Variants in TMEM120B observed in about 807,000 individuals in gnomAD.
TMEM120B encodes the protein transmembrane protein 120B.
TMEM120B carries 31 observed loss-of-function variants against 55.5 expected under a neutral mutation model. The ratio of observed to expected loss-of-function variants is 0.56; its 90% confidence interval spans 0.42 to 0.75. TMEM120B has a LOEUF of 0.75. Ranked by LOEUF, TMEM120B falls within the 30% of genes least tolerant of loss-of-function variation. The pLI, the probability that TMEM120B is intolerant of heterozygous loss-of-function variation, is 0.00. For missense variants in TMEM120B, 399 were observed against 425.5 expected (o/e 0.94, Z 0.55); for synonymous variants, 203 against 176.3 (o/e 1.15, Z -1.20).
chr12:121,774,569 G>A (rs533509123), intron 9 of TMEM120B, 89 bp from the exon 10 acceptor site: 12 of 1,299,260 alleles, frequency 9.2e-6, no homozygotes, highest in African/African-American at 1.5e-5. Context: ...ATCTTAGGGT[G>A]ACTGGTGTGG....
At chr12:121,739,404 C>T (rs1872853485) in intron 1 of TMEM120B, among the ~76,000 whole-genome samples, 1 of 152,056 alleles carries the variant, frequency 6.6e-6, no homozygotes, top group Non-Finnish European at 1.5e-5. Flanking sequence ...ATCAACGTTA[C>T]ATTTTCTAGA....
At chr12:121,771,762 A>G (rs1874061598) in intron 8 of TMEM120B, among the ~76,000 whole-genome samples, 2 of 152,098 alleles carry the variant, frequency 1.3e-5, no homozygotes, top group African/African-American at 2.4e-5. Context: ...CTCCTTCCCC[A>G]GGCTGGAACC....
intron 5 of TMEM120B, 46 bp downstream of exon 5, chr12:121,752,269 C>A: frequency 1.9e-6 from 3 of 1,543,202 alleles, no homozygotes; most frequent in Non-Finnish European, 2.7e-6. Context: ...ATGCAGACGT[C>A]AGGTGGGGGC....
In TMEM120B at chr12:121,775,393, GA is replaced by G; in HGVS notation, c.907-215del. 5.1e-6 allele frequency: 5 copies of G among 978,334 alleles called. No homozygotes were observed. The South Asian group carries it at 1.4e-4, about 28-fold the overall frequency. 60.6% of individuals were successfully genotyped at this position (978,334 alleles called of 1,614,324 possible). ...GGGGTGGAGCCTCTCCCAATCTGTG[GA>G]TCCCAAGGAGGTTCGCCCCATCGAG... On this transcript the variant is annotated intron_variant, in intron 11 of 11. Coordinates refer to ENST00000449592, the MANE Select transcript of TMEM120B (RefSeq NM_001080825.2). This position sits in a 1 kb window ranked among gnomAD's most constrained non-coding sequence, Gnocchi z 4.3.
rs758930424 is a variant in TMEM120B, at chr12:121,775,985, C to T, written c.*263C>T. On this transcript the variant is annotated 3_prime_UTR_variant, in exon 12 of 12. Coordinates refer to ENST00000449592, the MANE Select transcript of TMEM120B (RefSeq NM_001080825.2). This position sits in a 1 kb window ranked among gnomAD's most constrained non-coding sequence, Gnocchi z 4.3. Reference sequence around the variant, plus strand: ...TCCTGTGCTTGAAGGTGGCTGAGGCCGGGCCAGTCTTCCTGGGGATGGGGC... The same window carrying T: ...TCCTGTGCTTGAAGGTGGCTGAGGCTGGGCCAGTCTTCCTGGGGATGGGGC... 3.4e-5 allele frequency: 20 copies of T among 593,650 alleles called. No individual in the cohort carries two copies. Among genetic ancestry groups the T allele is most frequent in the East Asian group, 8.4e-5 (3 of 35,658 alleles). The allele number at this position is 593,650 out of a possible 1,614,324, so 36.8% of individuals were successfully genotyped here.
intron 5 of TMEM120B, among the ~76,000 whole-genome samples, chr12:121,760,633 C>G (rs1227701867): frequency 6.6e-6 from 1 of 152,200 alleles, no homozygotes; most frequent in Non-Finnish European, 1.5e-5. Context: ...ACTTGCTCAG[C>G]TCCTGAGATC....
At chr12:121,751,807 A>G (rs1873339532) in intron 4 of TMEM120B, among the ~76,000 whole-genome samples, 1 of 152,114 alleles carries the variant, frequency 6.6e-6, no homozygotes, top group South Asian at 2.1e-4. Flanking sequence ...CCATTTCCAG[A>G]CAGCCGCAAA....
intron 1 of TMEM120B, among the ~76,000 whole-genome samples, chr12:121,726,400 A>G (rs999380300): frequency 6.6e-6 from 1 of 151,588 alleles, no homozygotes; most frequent in Non-Finnish European, 1.5e-5. Context: ...TAACATGGTG[A>G]AACCGCGTCT....
chr12:121,750,338 C>T, intron 3 of TMEM120B, 42 bp from the exon 4 acceptor site: 3 of 1,584,462 alleles, frequency 1.9e-6, no homozygotes, highest in South Asian at 1.1e-5. Context: ...GATTCGCACC[C>T]ACCTGCTAAG....
chr12:121,779,297 T>C lies in TMEM120B; in HGVS notation c.*3575T>C, dbSNP rs1874352195. On this transcript the variant is annotated 3_prime_UTR_variant, in exon 12 of 12. Transcript: ENST00000449592. ...GGCTCCTGCACCCACATCACCACCA[T>C]GTCCCAGGGGCAGCCTGGAGGGGAG... is the stretch of plus-strand genomic sequence containing the variant. 1.6e-5 allele frequency: 10 copies of C among 616,616 alleles called. No individual in the cohort carries two copies. The highest frequency in any genetic ancestry group is 2.8e-5 in the Non-Finnish European group (10 of 355,994). 38.2% of individuals were successfully genotyped at this position (616,616 alleles called of 1,614,324 possible).
intron 2 of TMEM120B, among the ~76,000 whole-genome samples, chr12:121,744,722 A>G (rs576390593): frequency 2.6e-5 from 4 of 152,244 alleles, no homozygotes; most frequent in African/African-American, 7.2e-5. Flanking sequence ...GCTCCAAGTG[A>G]CTTGTCCCAG....
At chr12:121,770,249 T>C (rs996808553) in intron 6 of TMEM120B, among the ~76,000 whole-genome samples, 1 of 152,132 alleles carries the variant, frequency 6.6e-6, no homozygotes, top group African/African-American at 2.4e-5. Flanking sequence ...TCTCCCCGTG[T>C]GTCCTCATGT....
rs759791047 is a variant in TMEM120B, at chr12:121,748,406, T to G, written c.269T>G (p.Phe90Cys). ...AANIKERQDV[F>C]FDMEAYLPKK... ...AACATCAAGGAGCGGCAGGACGTCT[T>G]CTTCGACATGGAGGCCTACCTGCCC... Residue 90 changes from phenylalanine to cysteine, a missense_variant, in exon 3 of 12, where the codon TTC becomes TGC. This residue lies in a region of TMEM120B where 133 missense variants were observed against 104.1 expected (regional missense o/e 1.28). Transcript: ENST00000449592. 10 of 1,610,728 alleles carry G rather than the reference T, an allele frequency of 6.2e-6. No homozygotes were observed. Among genetic ancestry groups the G allele is most frequent in the Non-Finnish European group, 7.6e-6 (9 of 1,178,616 alleles).
intron 1 of TMEM120B, among the ~76,000 whole-genome samples, chr12:121,730,237 AAC>A (rs1034322929): frequency 5.4e-5 from 8 of 149,532 alleles, no homozygotes; most frequent in African/African-American, 2.0e-4. Flanking sequence ...CCAGCCTGGC[AAC>A]AGAGTGAGAC....
rs1459201271 is a variant in TMEM120B at position 121,731,446 on chromosome 12, G to T, written c.70-12183G>T. On this transcript the variant is annotated intron_variant, in intron 1 of 11. Transcript: ENST00000449592. Reference sequence around the variant, plus strand: ...TTTGTAGTATTTTTAGCAGAGAAGGGGTTTTGCCATACTGGCCAGGCTGGT... The same window carrying T: ...TTTGTAGTATTTTTAGCAGAGAAGGTGTTTTGCCATACTGGCCAGGCTGGT... Among the ~76,000 whole-genome samples the T allele has an allele frequency of 2.6e-5, 4 of 152,116 alleles. No homozygotes were observed. The East Asian group carries it at 5.8e-4, about 22-fold the overall frequency.
At position 121,775,022 on chromosome 12, in the gene TMEM120B, G is replaced by T; in HGVS notation, c.838-40G>T. The T allele has an allele frequency of 6.2e-7, 1 of 1,611,582 alleles. No homozygotes were observed. The highest frequency in any genetic ancestry group is 2.2e-5 in the East Asian group (1 of 44,820). On this transcript the variant is annotated intron_variant, in intron 10 of 11. Transcript: ENST00000449592. The surrounding 1 kb of genome is among the most constrained non-coding windows in gnomAD (Gnocchi z 4.3). ...CCTGGCTTTCTACGTGGCCGGCCAG[G>T]GGAGTCTGGTGGGTGAGCAGCGCCT... is the stretch of plus-strand genomic sequence containing the variant.
At chr12:121,747,033 T>TC (rs1182059734) in intron 2 of TMEM120B, among the ~76,000 whole-genome samples, 2 of 152,152 alleles carry the variant, frequency 1.3e-5, no homozygotes. Flanking sequence ...GCTCATACTA[T>TC]CAAGTATTAT....
At chr12:121,733,610 G>A (rs963131893) in intron 1 of TMEM120B, among the ~76,000 whole-genome samples, 3 of 150,904 alleles carry the variant, frequency 2.0e-5, no homozygotes, top group African/African-American at 7.3e-5. Context: ...TGTGACCTCG[G>A]CTCACTGCAG....
intron 5 of TMEM120B, 31 bp downstream of exon 5, chr12:121,752,254 T>C: frequency 6.3e-7 from 1 of 1,592,978 alleles, no homozygotes; most frequent in Non-Finnish European, 8.6e-7. Flanking sequence ...TGCCTGGGCC[T>C]GGGCATGCAG....
Sources: allele counts gnomAD v4.1 joint callset (sites outside exome capture counted in the v4.1 genomes callset), GRCh38; gene constraint gnomAD v4.1.1; regional missense constraint gnomAD v4.1.1; non-coding constraint Gnocchi (gnomAD v3.1); transcripts MANE v1.5; gene names NCBI Gene and HGNC (gene_info 2026-07-23, HGNC 2026-07-21).